The following KLHL1 variants were observed in gnomAD, a reference collection of about 807,000 sequenced individuals.
KLHL1 encodes kelch-like protein 1.
KLHL1 carries 47 observed loss-of-function variants against 77.7 expected under a neutral mutation model. That is an observed-to-expected ratio of 0.60 (90% CI 0.48 to 0.77). The LOEUF is 0.77. KLHL1 is among the 30% of genes least tolerant of loss of function. KLHL1 has a pLI of 0.00. For missense variants in KLHL1, 925 were observed against 910.8 expected (o/e 1.02, Z -0.20); for synonymous variants, 360 against 325.2 (o/e 1.11, Z -1.15).
At chr13:69,741,300 T>C (rs1873978515) in intron 7 of KLHL1, among the ~76,000 whole-genome samples, 1 of 151,978 alleles carries the variant, frequency 6.6e-6, no homozygotes, top group South Asian at 2.1e-4. Flanking sequence ...TTAAATATAA[T>C]GTAAATATTG....
Position 69,729,580 on chromosome 13 carries a change from A to C in KLHL1, c.1803-9999T>G, listed in dbSNP as rs1408269008. ...CAAAAAAATGTAAGAGGGTGATGTT[A>C]AAACAATTTTCTGCTATGGGTCTGA... On this transcript the variant is annotated intron_variant, in intron 8 of 10. Coordinates refer to ENST00000377844, the MANE Select transcript of KLHL1 (RefSeq NM_020866.3). Among the ~76,000 whole-genome samples the C allele has an allele frequency of 3.9e-5, 6 of 152,154 alleles. No individual in the cohort carries two copies. The East Asian group carries it at 1.2e-3, about 29-fold the overall frequency.
chr13:69,930,659 C>T (rs1014126411), intron 4 of KLHL1, among the ~76,000 whole-genome samples: 17 of 151,774 alleles, frequency 1.1e-4, no homozygotes, highest in African/African-American at 3.1e-4. Context: ...ATATTATTTA[C>T]GCTTTTTCTA....
At chr13:69,965,070 T>C (rs1401726802) in intron 2 of KLHL1, among the ~76,000 whole-genome samples, 2 of 152,222 alleles carry the variant, frequency 1.3e-5, no homozygotes, top group Admixed American at 1.3e-4. Flanking sequence ...TCACAGCTTT[T>C]TGATGGCTTT....
At chr13:70,048,631 G>T (rs547064931) in intron 1 of KLHL1, among the ~76,000 whole-genome samples, 2 of 152,348 alleles carry the variant, frequency 1.3e-5, no homozygotes, top group South Asian at 4.1e-4. Context: ...CTCATAAGGA[G>T]CATGCAAGAT....
At chr13:69,750,626 G>T (rs1874437162) in intron 7 of KLHL1, among the ~76,000 whole-genome samples, 1 of 151,752 alleles carries the variant, frequency 6.6e-6, no homozygotes, top group African/African-American at 2.4e-5. Flanking sequence ...CTATATCTGT[G>T]TAAGTACTAT....
chr13:70,061,081 G>T (rs1268476188), intron 1 of KLHL1, among the ~76,000 whole-genome samples: 4 of 152,006 alleles, frequency 2.6e-5, no homozygotes, highest in Non-Finnish European at 5.9e-5. Context: ...GGCTGGGAGG[G>T]GTCACTGGGG....
At chr13:69,987,796 A>C (rs1480803522) in intron 1 of KLHL1, among the ~76,000 whole-genome samples, 3 of 152,146 alleles carry the variant, frequency 2.0e-5, no homozygotes, top group Non-Finnish European at 4.4e-5. Context: ...TGGGCAATAT[A>C]CACATAGATA....
intron 1 of KLHL1, among the ~76,000 whole-genome samples, chr13:69,991,460 G>A (rs1367421649): frequency 6.6e-6 from 1 of 151,732 alleles, no homozygotes. Flanking sequence ...AAAGAGAGAA[G>A]ATCCAAATAA....
chr13:70,088,334 A>T (rs1055562424), intron 1 of KLHL1, among the ~76,000 whole-genome samples: 4 of 152,124 alleles, frequency 2.6e-5, no homozygotes, highest in Admixed American at 1.3e-4. Flanking sequence ...CCTTCCTCAT[A>T]GGAGAGCTTT....
At position 70,094,393 on chromosome 13, in the gene KLHL1, T is replaced by TTATATATATATATATATATATATA. The variant is rs369471818; in HGVS notation, c.497+12809_497+12810insTATATATATATATATATATATATA. ...TGAAACAAATACAATGCAATCATCTTTATATATATATATATATGAATATAT... is the reference window on the plus strand; with the variant it reads ...TGAAACAAATACAATGCAATCATCTTTATATATATATATATATATATATATATATATATATATATATGAATATAT... On this transcript the variant is annotated intron_variant, in intron 1 of 10. Transcript: ENST00000377844. Among the ~76,000 whole-genome samples the TTATATATATATATATATATATATA allele has an allele frequency of 6.1e-3, 841 of 136,784 alleles. 25 individuals are homozygous for TTATATATATATATATATATATATA. Among genetic ancestry groups the TTATATATATATATATATATATATA allele is most frequent in the African/African-American group, 0.019 (598 of 31,346 alleles). The allele number at this position is 136,784 out of a possible 152,430, so 89.7% of individuals were successfully genotyped here.
intron 1 of KLHL1, among the ~76,000 whole-genome samples, chr13:70,056,546 A>T (rs2472267): frequency 0.99 from 150,819 of 152,266 alleles, 74,699 homozygotes; most frequent in East Asian, 1. Flanking sequence ...AGCTCATAAA[A>T]CATTATCAAA....
At chr13:69,888,791 T>C (rs1014281854) in intron 4 of KLHL1, among the ~76,000 whole-genome samples, 3 of 152,072 alleles carry the variant, frequency 2.0e-5, no homozygotes, top group African/African-American at 7.2e-5. Flanking sequence ...CTAACACACA[T>C]CATTGGAGAG....
intron 4 of KLHL1, among the ~76,000 whole-genome samples, chr13:69,920,469 G>A (rs559834326): frequency 6.6e-6 from 1 of 152,112 alleles, no homozygotes; most frequent in East Asian, 1.9e-4. Flanking sequence ...ATTTGGCAAA[G>A]TTACTTAACA....
intron 7 of KLHL1, among the ~76,000 whole-genome samples, chr13:69,794,535 T>G (rs1877017524): frequency 7.2e-6 from 1 of 138,850 alleles, no homozygotes; most frequent in African/African-American, 2.7e-5. Context: ...AGAAAAAGGA[T>G]GAACAACAGA....
rs550946691 is a variant in KLHL1 at position 70,094,710 on chromosome 13, A to G, written c.497+12493T>C. 3.3e-5 allele frequency among the ~76,000 whole-genome samples: 5 copies of G among 152,164 alleles called. 1 individual carries two copies. The East Asian group carries it at 9.7e-4, about 30-fold the overall frequency. On this transcript the variant is annotated intron_variant, in intron 1 of 10. Coordinates refer to ENST00000377844, the MANE Select transcript of KLHL1 (RefSeq NM_020866.3). ...ACTTCAATGCTTTTGTGGCAATTTC[A>G]ATGTGGCTTCCTTAGCCGGCCAAGT...
chr13:69,902,117 T>C (rs1329333334), intron 4 of KLHL1, among the ~76,000 whole-genome samples: 1 of 152,202 alleles, frequency 6.6e-6, no homozygotes, highest in East Asian at 1.9e-4. Flanking sequence ...AGTTTTTTTA[T>C]AAGACTTGTC....
intron 1 of KLHL1, among the ~76,000 whole-genome samples, chr13:70,094,000 A>G (rs1424282166): frequency 6.6e-6 from 1 of 152,204 alleles, no homozygotes; most frequent in Non-Finnish European, 1.5e-5. Context: ...TAAGAGTAGT[A>G]TACGGTAAAG....
At chr13:70,076,332 T>C (rs1887266180) in intron 1 of KLHL1, among the ~76,000 whole-genome samples, 1 of 147,614 alleles carries the variant, frequency 6.8e-6, no homozygotes, top group Admixed American at 6.9e-5. Context: ...CACACAAACA[T>C]AGTCAACTGA....
At chr13:70,075,588 T>TATATATATATATATAC (rs1221350719) in intron 1 of KLHL1, among the ~76,000 whole-genome samples, 118 of 121,994 alleles carry the variant, frequency 9.7e-4, no homozygotes, top group Middle Eastern at 0.014. Flanking sequence ...TATATATATA[T>TATATATATATATATAC]ACACACACAC....
Sources: allele counts gnomAD v4.1 joint callset (sites outside exome capture counted in the v4.1 genomes callset), GRCh38; gene constraint gnomAD v4.1.1; transcripts MANE v1.5; gene names NCBI Gene and HGNC (gene_info 2026-07-23, HGNC 2026-07-21).